Variants in ZDHHC21 observed in about 807,000 individuals in gnomAD.
ZDHHC21 encodes palmitoyltransferase ZDHHC21.
ZDHHC21 carries 15 observed loss-of-function variants against 34.6 expected under a neutral mutation model. The ratio of observed to expected loss-of-function variants is 0.43; its 90% CI spans 0.29 to 0.67. ZDHHC21 has a LOEUF of 0.67. ZDHHC21 is among the 30% of genes least tolerant of loss of function. The probability of loss-of-function intolerance (pLI) is 0.14; values close to 1 mark genes in which losing one functional copy is unlikely to be tolerated. For synonymous variants in ZDHHC21, 142 were observed against 101.8 expected (o/e 1.40, Z -2.38); for missense variants, 344 against 327.7 (o/e 1.05, Z -0.38).
intron 7 of ZDHHC21, among the ~76,000 whole-genome samples, chr9:14,654,295 A>G (rs1831787414): frequency 6.6e-6 from 1 of 152,070 alleles, no homozygotes; most frequent in Non-Finnish European, 1.5e-5. Context: ...GCATCTTTCC[A>G]AAAACTGCTA....
At chr9:14,647,169 T>C (rs1830399831) in intron 7 of ZDHHC21, among the ~76,000 whole-genome samples, 1 of 151,902 alleles carries the variant, frequency 6.6e-6, no homozygotes, top group Admixed American at 6.6e-5. Flanking sequence ...GAGGAGAGGG[T>C]CACTCTCATG....
chr9:14,654,956 C>T (rs1016074644), intron 7 of ZDHHC21, among the ~76,000 whole-genome samples: 4 of 151,938 alleles, frequency 2.6e-5, no homozygotes, highest in Non-Finnish European at 5.9e-5. Context: ...GTGACAAAGG[C>T]CAAGAAATTT....
At chr9:14,646,258 C>A (rs1405194237) in intron 7 of ZDHHC21, among the ~76,000 whole-genome samples, 1 of 152,054 alleles carries the variant, frequency 6.6e-6, no homozygotes, top group African/African-American at 2.4e-5. Context: ...ATAAATCTTC[C>A]AAATGTTGCC....
intron 2 of ZDHHC21, among the ~76,000 whole-genome samples, chr9:14,681,989 C>T (rs553715078): frequency 1.1e-4 from 16 of 152,200 alleles, no homozygotes; most frequent in African/African-American, 3.9e-4. Context: ...CAAGCAAATG[C>T]TGAGAGATTT....
the ZDHHC21 span, among the ~76,000 whole-genome samples, chr9:14,593,270 A>T: frequency 1.8e-3 from 272 of 152,326 alleles, no homozygotes; most frequent in Non-Finnish European, 2.6e-3. Flanking sequence ...ACAAAACAAA[A>T]AAAGAAGATA....
chr9:14,639,729 T>C (rs1828990861), intron 8 of ZDHHC21, among the ~76,000 whole-genome samples, 167 bp downstream of exon 8: 1 of 152,166 alleles, frequency 6.6e-6, no homozygotes, highest in South Asian at 2.1e-4. Flanking sequence ...TTGTGTATAC[T>C]TTGTACTTGA....
chr9:14,658,937 C>G (rs1311501473), intron 6 of ZDHHC21, 50 bp from the exon 7 acceptor site: 1 of 1,564,854 alleles, frequency 6.4e-7, no homozygotes, highest in African/African-American at 1.4e-5. Context: ...TCAAGAAGTT[C>G]ACCTCAGGAT....
chr9:14,596,787 T>A, the ZDHHC21 span, among the ~76,000 whole-genome samples: 1 of 152,100 alleles, frequency 6.6e-6, no homozygotes, highest in African/African-American at 2.4e-5. Flanking sequence ...GGCTGGTGGC[T>A]AGAGGTACGT....
intron 2 of ZDHHC21, among the ~76,000 whole-genome samples, chr9:14,681,269 G>A (rs1837320988): frequency 6.6e-6 from 1 of 152,060 alleles, no homozygotes; most frequent in South Asian, 2.1e-4. Flanking sequence ...ATGTTGCCCA[G>A]ACTGGAGTGC....
At chr9:14,657,743 C>T (rs1832518058) in intron 7 of ZDHHC21, among the ~76,000 whole-genome samples, 5 of 152,146 alleles carry the variant, frequency 3.3e-5, no homozygotes. Flanking sequence ...CATTCGTTAC[C>T]TCTTAGCCTG....
intron 7 of ZDHHC21, among the ~76,000 whole-genome samples, chr9:14,654,006 A>G (rs1215563992): frequency 2.6e-5 from 4 of 152,018 alleles, no homozygotes; most frequent in African/African-American, 7.2e-5. Flanking sequence ...AAGGTGAGCC[A>G]TATATTCTGC....
chr9:14,602,931 A>AC, the ZDHHC21 span, among the ~76,000 whole-genome samples: 47 of 35,916 alleles, frequency 1.3e-3, 1 homozygote, highest in Admixed American at 5.8e-3. Context: ...TTCATCTCAA[A>AC]AAAAAAAAAA....
rs1024224698 is a variant in ZDHHC21, at chr9:14,619,859, A to T, written c.622-177T>A. ...ATACATTGCTGGAATCCCCTTGGAA[A>T]AACAAAATCAACATTATACTATGCA... On this transcript the variant is annotated intron_variant, in intron 8 of 9. Transcript: ENST00000380916. 7.4e-4 allele frequency among the ~76,000 whole-genome samples: 105 copies of T among 141,794 alleles called. 5 individuals are homozygous for T. The highest frequency in any genetic ancestry group is 6.1e-5 in the Non-Finnish European group (4 of 65,996). The allele number at this position is 141,794 out of a possible 152,430, so 93.0% of individuals were successfully genotyped here.
chr9:14,647,858 T>C (rs2133801629), intron 7 of ZDHHC21, among the ~76,000 whole-genome samples: 1 of 152,246 alleles, frequency 6.6e-6, no homozygotes. Context: ...CTCCAGTCAG[T>C]TTCCATGTCT....
chr9:14,603,452 G>A, the ZDHHC21 span, among the ~76,000 whole-genome samples: 5 of 152,040 alleles, frequency 3.3e-5, no homozygotes, highest in African/African-American at 7.2e-5. Context: ...AAATGACACT[G>A]CAAATCAGAT....
chr9:14,665,300 A>G (rs1834214121), intron 5 of ZDHHC21, among the ~76,000 whole-genome samples: 1 of 136,192 alleles, frequency 7.3e-6, no homozygotes, highest in Admixed American at 7.5e-5. Flanking sequence ...TTTAGAGAAA[A>G]AAGAATAAAA....
chr9:14,630,480 G>C (rs957232711), intron 8 of ZDHHC21, among the ~76,000 whole-genome samples: 1 of 152,148 alleles, frequency 6.6e-6, no homozygotes, highest in Non-Finnish European at 1.5e-5. Context: ...ATGAAGTTTA[G>C]AATCAACTTC....
chr9:14,590,606 G>A, the ZDHHC21 span, among the ~76,000 whole-genome samples: 8 of 152,018 alleles, frequency 5.3e-5, no homozygotes, highest in South Asian at 2.1e-4. Flanking sequence ...CTGAATGTGG[G>A]GAGGGGACAA....
At chr9:14,648,682 G>A (rs771182498) in intron 7 of ZDHHC21, among the ~76,000 whole-genome samples, 5 of 152,046 alleles carry the variant, frequency 3.3e-5, no homozygotes, top group Admixed American at 6.6e-5. Context: ...TAATTGGAAC[G>A]TAAGCTCCTT....
Sources: allele counts gnomAD v4.1 joint callset (sites outside exome capture counted in the v4.1 genomes callset), GRCh38; gene constraint gnomAD v4.1.1; transcripts MANE v1.5; gene names NCBI Gene and HGNC (gene_info 2026-07-23, HGNC 2026-07-21).